The following ANO2 variants were observed in gnomAD, a reference collection of about 807,000 sequenced individuals.
The protein encoded by ANO2 is anoctamin 2, also known as anoctamin-2.
Under a neutral mutation model 124.2 loss-of-function variants are expected in ANO2, and 101 were observed. That is an observed-to-expected ratio of 0.81 (90% CI 0.69 to 0.96). ANO2 has a LOEUF of 0.96. Ranked by LOEUF, ANO2 falls within the 40% of genes least tolerant of loss-of-function variation. The probability of loss-of-function intolerance (pLI) is 0.00; values close to 1 mark genes in which losing one functional copy is unlikely to be tolerated. For missense variants in ANO2, 1,293 were observed against 1,274.5 expected, an observed-to-expected ratio of 1.01 and a Z score of -0.22; for synonymous variants, 486 against 482.5, an observed-to-expected ratio of 1.01 and a Z score of -0.09.
At chr12:5,666,671 A>C (rs1947739828) in intron 14 of ANO2, among the ~76,000 whole-genome samples, 1 of 152,202 alleles carries the variant, frequency 6.6e-6, no homozygotes, top group East Asian at 1.9e-4. Context: ...CTGATCTCCA[A>C]AAGTTGGCCA....
Position 5,562,987 on chromosome 12 carries a change from A to T in ANO2, c.*312T>A. 2.7e-6 allele frequency: 1 copy of T among 367,638 alleles called. No homozygotes were observed. Among genetic ancestry groups the T allele is most frequent in the East Asian group, 5.3e-5 (1 of 18,762 alleles). The allele number at this position is 367,638 out of a possible 1,614,324, so 22.8% of individuals were successfully genotyped here. On this transcript the variant is annotated 3_prime_UTR_variant, in exon 25 of 25. Transcript: ENST00000682330. ...AGTACAAGAGGGTGCCCCAGGGTAC[A>T]TGGGAATGCTCGCGGTGCCTGAGAC...
intron 4 of ANO2, among the ~76,000 whole-genome samples, chr12:5,852,287 A>G (rs1171850265): frequency 6.6e-6 from 1 of 152,162 alleles, no homozygotes; most frequent in Non-Finnish European, 1.5e-5. Context: ...TGAAACTAGG[A>G]GACAAAAAAC....
chr12:5,890,892 A>G (rs1352009003), intron 3 of ANO2, among the ~76,000 whole-genome samples: 1 of 152,200 alleles, frequency 6.6e-6, no homozygotes, highest in African/African-American at 2.4e-5. Context: ...TTGCAGTGAC[A>G]CAGAAAACAT....
At chr12:5,946,160 T>C (rs1162476515), upstream of ANO2, 3 of 1,613,934 alleles carry the variant, frequency 1.9e-6, no homozygotes, top group Admixed American at 5.0e-5. This position sits in a 1 kb window ranked among gnomAD's most constrained non-coding sequence, Gnocchi z 4.1. Flanking sequence ...CCTTCAGGCA[T>C]GAAGATTTTC....
chr12:5,732,585 G>A lies in ANO2; in HGVS notation c.1480C>T (p.Leu494=). Residue 494 remains leucine (L), a synonymous_variant, in exon 14 of 25, where the codon CTA becomes TTA. Coordinates refer to ENST00000682330, the MANE Select transcript of ANO2 (RefSeq NM_001364791.2). ...EYETKVREKM[L]KESNQSAVQK... is the part of the protein sequence containing the mutation. ...ACAGCAGACTGGTTGCTCTCCTTTA[G>A]CATTTTCTCTCGAACTTTGGTTTCA... The A allele has an allele frequency of 6.2e-7, 1 of 1,613,864 alleles. No homozygotes were observed. The highest frequency in any genetic ancestry group is 8.5e-7 in the Non-Finnish European group (1 of 1,179,856).
chr12:5,730,974 A>G (rs958486020), intron 14 of ANO2, among the ~76,000 whole-genome samples: 1 of 152,216 alleles, frequency 6.6e-6, no homozygotes, highest in Non-Finnish European at 1.5e-5. Context: ...ATGGTTCCTG[A>G]AAGTTATTTG....
chr12:5,791,385 T>C (rs1294532933), intron 10 of ANO2, among the ~76,000 whole-genome samples: 1 of 152,174 alleles, frequency 6.6e-6, no homozygotes. Context: ...AGTGATATTT[T>C]ACTCCTGCTA....
chr12:5,639,022 T>C (rs1946191357), intron 15 of ANO2, among the ~76,000 whole-genome samples: 1 of 152,098 alleles, frequency 6.6e-6, no homozygotes, highest in Non-Finnish European at 1.5e-5. Flanking sequence ...GTCACAGGCC[T>C]CCGTTCACGA....
intron 11 of ANO2, among the ~76,000 whole-genome samples, chr12:5,745,604 G>T (rs1171741233): frequency 2.0e-5 from 3 of 152,142 alleles, no homozygotes; most frequent in African/African-American, 4.8e-5. Flanking sequence ...TTGAAGGGTG[G>T]CAGATTTACT....
intron 14 of ANO2, among the ~76,000 whole-genome samples, chr12:5,709,568 A>G (rs979991390): frequency 1.3e-5 from 2 of 152,210 alleles, no homozygotes; most frequent in African/African-American, 4.8e-5. Context: ...GGTACCAACC[A>G]GAGGCCTTCC....
Position 5,599,623 on chromosome 12 carries a change from T to C in ANO2, c.2094A>G (p.Leu698=). 1 of 1,613,628 alleles carries C rather than the reference T, an allele frequency of 6.2e-7. No homozygotes were observed. Among genetic ancestry groups the C allele is most frequent in the South Asian group, 1.1e-5 (1 of 90,914 alleles). The change falls in exon 20 of 25, where the codon CTA becomes CTG. Residue 698 remains leucine, a synonymous_variant. Transcript: ENST00000682330. ...CTTTCAGCTTTCGAAATAGTTTCTT[T>C]AGCTTCCTGGAAAAGAAATGGATTA... ...NNIFEIGVPK[L]KKLFRKLKDE...
chr12:5,801,069 T>C (rs77790331), intron 9 of ANO2, among the ~76,000 whole-genome samples: 13,381 of 152,138 alleles, frequency 0.088, 778 homozygotes, highest in East Asian at 0.19. Context: ...CAAAAGAAGA[T>C]GACAAGCTGT....
At chr12:5,894,517 G>A (rs189841343) in intron 3 of ANO2, among the ~76,000 whole-genome samples, 7 of 152,110 alleles carry the variant, frequency 4.6e-5, no homozygotes, top group Admixed American at 1.3e-4. Flanking sequence ...GTCAATTCTG[G>A]CTTTTGTGGC....
At chr12:5,809,113 G>A (rs1394811303) in intron 7 of ANO2, among the ~76,000 whole-genome samples, 5 of 152,184 alleles carry the variant, frequency 3.3e-5, no homozygotes, top group Non-Finnish European at 7.3e-5. Flanking sequence ...GGGGTGAGAG[G>A]AGCAGAGGGT....
chr12:5,916,797 G>A (rs1488691018), intron 3 of ANO2, among the ~76,000 whole-genome samples: 1 of 151,888 alleles, frequency 6.6e-6, no homozygotes, highest in African/African-American at 2.4e-5. Flanking sequence ...GAGGTAGCAG[G>A]CAGTGCAGAG....
intron 14 of ANO2, among the ~76,000 whole-genome samples, chr12:5,676,781 C>T (rs145912150): frequency 3.5e-4 from 54 of 152,214 alleles, no homozygotes; most frequent in Non-Finnish European, 4.0e-4. Context: ...AGGCTGGGCC[C>T]GGTGGCTCAT....
chr12:5,688,859 A>ACT (rs1280277187), intron 14 of ANO2, among the ~76,000 whole-genome samples: 2 of 143,192 alleles, frequency 1.4e-5, no homozygotes, highest in East Asian at 4.2e-4. Context: ...GCCAAGGAAG[A>ACT]CTCTATGTCT....
intron 2 of ANO2, 119 bp downstream of exon 2, chr12:5,922,501 G>A (rs1395740509): frequency 1.7e-6 from 2 of 1,150,318 alleles, no homozygotes; most frequent in Non-Finnish European, 2.4e-6. Context: ...CCAAACCTAG[G>A]TCTCTCTCTT....
chr12:5,612,908 A>G lies in ANO2; in HGVS notation c.1979T>C (p.Met660Thr). ...SYVYVFDGYR[M>T]EECAPGGCLM... ...ACCAGTGGCTGTACTTGCCTCTTCC[A>G]TGCGGTAACCATCGAATACATAGAC... Residue 660 changes from methionine to threonine, a missense_variant, in exon 18 of 25, where the codon ATG (methionine) becomes ACG (threonine). Physicochemically the swap from Met to Thr is moderately conservative, Grantham distance 81 (BLOSUM62 -1). Coordinates refer to ENST00000682330, the MANE Select transcript of ANO2 (RefSeq NM_001364791.2). 6.2e-7 allele frequency: 1 copy of G among 1,613,958 alleles called. No individual in the cohort carries two copies. Among genetic ancestry groups the G allele is most frequent in the Non-Finnish European group, 8.5e-7 (1 of 1,179,874 alleles).
Sources: gnomAD v4.1 joint callset for allele counts (sites outside exome capture counted in the v4.1 genomes callset) on GRCh38, gnomAD v4.1.1 for gene constraint, Gnocchi (gnomAD v3.1) non-coding constraint, MANE v1.5 for transcripts, NCBI Gene and HGNC (gene_info 2026-07-23, HGNC 2026-07-21) for gene names.